FHOD3: variants seen among roughly 807,000 people sequenced by gnomAD.
The protein encoded by FHOD3 is formin homology 2 domain containing 3, also known as FH1/FH2 domain-containing protein 3.
A neutral mutation model predicts 173.0 loss-of-function variants in FHOD3; 90 were observed. The ratio of observed to expected loss-of-function variants is 0.52; its 90% CI spans 0.44 to 0.62. FHOD3 has a LOEUF of 0.62. Ranked by LOEUF, FHOD3 falls within the 20% of genes least tolerant of loss-of-function variation. The probability of loss-of-function intolerance (pLI) is 0.00; values close to 1 mark genes in which losing one functional copy is unlikely to be tolerated. For synonymous variants in FHOD3, 828 were observed against 823.0 expected (o/e 1.01, Z -0.10); for missense variants, 1,945 against 2,034.7 (o/e 0.96, Z 0.85).
intron 10 of FHOD3, among the ~76,000 whole-genome samples, chr18:36,641,646 G>C (rs922279361): frequency 2.6e-5 from 4 of 151,966 alleles, no homozygotes; most frequent in African/African-American, 9.7e-5. Flanking sequence ...CAGCATCTTT[G>C]CACATAAGTG....
chr18:36,670,661 G>A (rs1401979315), intron 14 of FHOD3, among the ~76,000 whole-genome samples: 1 of 151,970 alleles, frequency 6.6e-6, no homozygotes, highest in African/African-American at 2.4e-5. Flanking sequence ...TTCTGGATTG[G>A]TTTCAAATAA....
intron 3 of FHOD3, among the ~76,000 whole-genome samples, chr18:36,431,126 T>C (rs1338660210): frequency 1.3e-5 from 2 of 152,246 alleles, no homozygotes; most frequent in Non-Finnish European, 1.5e-5. Flanking sequence ...TCCTGCCTCT[T>C]GGGCTAAAAA....
intron 3 of FHOD3, among the ~76,000 whole-genome samples, chr18:36,397,131 A>G (rs1318792352): frequency 3.9e-5 from 6 of 152,168 alleles, no homozygotes; most frequent in Admixed American, 3.9e-4. Flanking sequence ...TTTAGTCCAA[A>G]CCATGGGACC....
intron 5 of FHOD3, among the ~76,000 whole-genome samples, chr18:36,561,889 G>T (rs1369970566): frequency 2.0e-5 from 3 of 152,022 alleles, no homozygotes; most frequent in Admixed American, 2.0e-4. Context: ...AAAATATGTT[G>T]GGCAGGCTTG....
At chr18:36,413,302 G>T (rs1265824832) in intron 3 of FHOD3, among the ~76,000 whole-genome samples, 2 of 152,318 alleles carry the variant, frequency 1.3e-5, no homozygotes, top group Admixed American at 1.3e-4. Flanking sequence ...CCTGTGTTCA[G>T]CTCCATCTCC....
intron 1 of FHOD3, among the ~76,000 whole-genome samples, chr18:36,344,109 C>T (rs1212729371): frequency 6.6e-6 from 1 of 152,058 alleles, no homozygotes; most frequent in African/African-American, 2.4e-5. Flanking sequence ...AGCTGTTACC[C>T]CCAAAGTGGG....
chr18:36,772,726 C>A (rs978168010), intron 28 of FHOD3, among the ~76,000 whole-genome samples: 1 of 152,218 alleles, frequency 6.6e-6, no homozygotes, highest in African/African-American at 2.4e-5. Flanking sequence ...TGGCTCAGGT[C>A]GGCTGCTCTC....
chr18:36,767,464 T>G (rs2043189513), intron 27 of FHOD3, among the ~76,000 whole-genome samples: 1 of 152,114 alleles, frequency 6.6e-6, no homozygotes, highest in South Asian at 2.1e-4. Context: ...GGACTATAGA[T>G]GCACACCACC....
In FHOD3 at chr18:36,740,732, C is replaced by T. The variant is rs776085836; in HGVS notation, c.3653C>T (p.Pro1218Leu). 1.2e-6 allele frequency: 2 copies of T among 1,614,014 alleles called. No homozygotes were observed. The highest frequency in any genetic ancestry group is 1.7e-6 in the Non-Finnish European group (2 of 1,180,010). The change falls in exon 21 of 29, where the codon CCC becomes CTC. Residue 1218 changes from proline to leucine, a missense_variant. Pro to Leu is a moderately conservative substitution (Grantham distance 98). Transcript: ENST00000590592. ...GCTCAGCTGGCCAACCCTGAAATCC[C>T]CCTGGGCAGTGCAGAGCAGTTCCTC... ...QEAQLANPEI[P>L]LGSAEQFLLT...
At chr18:36,574,875 G>A (rs1287536403) in intron 5 of FHOD3, among the ~76,000 whole-genome samples, 1 of 151,930 alleles carries the variant, frequency 6.6e-6, no homozygotes, top group Admixed American at 6.6e-5. Context: ...ATTGTGTCAA[G>A]GATATGTCCA....
At chr18:36,584,324 T>C (rs2058955124) in intron 6 of FHOD3, among the ~76,000 whole-genome samples, 1 of 152,208 alleles carries the variant, frequency 6.6e-6, no homozygotes, top group Non-Finnish European at 1.5e-5. Flanking sequence ...AAAGATTGTT[T>C]GTCTCTCTCT....
At chr18:36,472,750 T>G (rs2053356017) in intron 3 of FHOD3, among the ~76,000 whole-genome samples, 1 of 152,248 alleles carries the variant, frequency 6.6e-6, no homozygotes, top group Admixed American at 6.5e-5. Flanking sequence ...AATACTTCTT[T>G]TTTTCTACTG....
At chr18:36,494,464 C>G (rs1312587241) in intron 3 of FHOD3, among the ~76,000 whole-genome samples, 3 of 152,228 alleles carry the variant, frequency 2.0e-5, no homozygotes, top group African/African-American at 7.2e-5. Flanking sequence ...CTTCTAATTG[C>G]ATTTACTCAA....
chr18:36,506,948 C>A (rs575787853), intron 4 of FHOD3, among the ~76,000 whole-genome samples: 5 of 152,272 alleles, frequency 3.3e-5, no homozygotes, highest in Admixed American at 2.6e-4. Flanking sequence ...TTCTCTCCCC[C>A]CAAAATAAAA....
chr18:36,497,399 A>G lies in FHOD3; in HGVS notation c.338-4533A>G, dbSNP rs527903951. 2.6e-5 allele frequency among the ~76,000 whole-genome samples: 4 copies of G among 152,222 alleles called. No homozygotes were observed. In the South Asian group the frequency reaches 8.3e-4, roughly 31 times the overall value. On this transcript the variant is annotated intron_variant, in intron 3 of 28. Transcript: ENST00000590592. ...TAGTGCCACTGAAGAGTAAGTTGTG[A>G]TGTCGCAGAGGTTAAAAATACAGTG...
At chr18:36,728,773 C>T (rs1004228973) in intron 19 of FHOD3, among the ~76,000 whole-genome samples, 8 of 152,188 alleles carry the variant, frequency 5.3e-5, no homozygotes, top group East Asian at 1.9e-4. Flanking sequence ...CTCTAGATGG[C>T]TTGGCTGCTC....
Position 36,658,095 on chromosome 18 carries a change from A to G in FHOD3, c.1742A>G (p.Asn581Ser). Residue 581 changes from asparagine to serine, a missense_variant, in exon 14 of 29, where the codon AAC (asparagine) becomes AGC (serine). By Grantham distance (46) the Asn-to-Ser change is conservative. Transcript: ENST00000590592. Reference sequence around the variant, plus strand: ...CTTAGATACAGCAATTTTGGCAATAACTCTTATCACTCCTCAAGACCCTCA... The same window carrying G: ...CTTAGATACAGCAATTTTGGCAATAGCTCTTATCACTCCTCAAGACCCTCA... ...SSNRYSNFGN[N>S]SYHSSRPSSG... 1.2e-6 allele frequency: 2 copies of G among 1,606,854 alleles called. No homozygotes were observed. The highest frequency in any genetic ancestry group is 3.4e-5 in the Admixed American group (2 of 58,646).
chr18:36,675,518 C>G (rs892754012), intron 14 of FHOD3, among the ~76,000 whole-genome samples: 2 of 152,192 alleles, frequency 1.3e-5, no homozygotes, highest in Non-Finnish European at 2.9e-5. Context: ...CTATGATTAA[C>G]TCAGCCTTCT....
At chr18:36,769,712 G>A (rs2043292115) in intron 28 of FHOD3, among the ~76,000 whole-genome samples, 1 of 152,082 alleles carries the variant, frequency 6.6e-6, no homozygotes, top group Non-Finnish European at 1.5e-5. Flanking sequence ...TTAAGTGTCT[G>A]TGGTGTACCA....
Sources: gnomAD v4.1 joint callset for allele counts (sites outside exome capture counted in the v4.1 genomes callset) on GRCh38, gnomAD v4.1.1 for gene constraint, MANE v1.5 for transcripts, NCBI Gene and HGNC (gene_info 2026-07-23, HGNC 2026-07-21) for gene names.